RNF32: variants seen among roughly 807,000 people sequenced by gnomAD.
The protein encoded by RNF32 is ring finger protein 32.
A neutral mutation model predicts 41.0 loss-of-function variants in RNF32; 36 were observed. That is an observed-to-expected ratio of 0.88 (90% CI 0.67 to 1.16). The LOEUF (loss-of-function observed/expected upper bound fraction) is 1.16. Ranked by LOEUF, RNF32 falls within the 50% of genes most tolerant of loss-of-function variation. The pLI is 0.00. For synonymous variants in RNF32, 154 were observed against 160.9 expected, an observed-to-expected ratio of 0.96 and a Z score of 0.32; for missense variants, 413 against 436.7, an observed-to-expected ratio of 0.95 and a Z score of 0.48.
At chr7:156,655,266 G>C (rs1799453000) in intron 4 of RNF32, among the ~76,000 whole-genome samples, 1 of 151,446 alleles carries the variant, frequency 6.6e-6, no homozygotes, top group East Asian at 1.9e-4. Context: ...CACACACAGA[G>C]AGAGAGAGAG....
chr7:156,674,604 AGGCCGAG>A (rs1803374764), intron 7 of RNF32, among the ~76,000 whole-genome samples: 2 of 152,146 alleles, frequency 1.3e-5, no homozygotes, highest in Non-Finnish European at 2.9e-5. Flanking sequence ...TGAGCCCGGG[AGGCCGAG>A]GCTGAGTGAG....
intron 3 of RNF32, among the ~76,000 whole-genome samples, chr7:156,652,302 C>T (rs1439392814): frequency 2.0e-5 from 3 of 151,986 alleles, no homozygotes; most frequent in African/African-American, 7.3e-5. Context: ...CTCACAGTGA[C>T]GGGATTCGAT....
intron 7 of RNF32, among the ~76,000 whole-genome samples, chr7:156,675,135 G>A (rs1803537635): frequency 6.6e-6 from 1 of 152,098 alleles, no homozygotes; most frequent in Non-Finnish European, 1.5e-5. Flanking sequence ...AGGCAGCGGC[G>A]ACCCGAAGGG....
chr7:156,645,573 A>C (rs1313236460), intron 3 of RNF32, among the ~76,000 whole-genome samples: 2 of 152,194 alleles, frequency 1.3e-5, no homozygotes, highest in Non-Finnish European at 2.9e-5. Context: ...GTGATCCTGG[A>C]TCAGATCCTA....
chr7:156,674,285 G>A (rs1440566316), intron 7 of RNF32, among the ~76,000 whole-genome samples: 1 of 152,202 alleles, frequency 6.6e-6, no homozygotes, highest in Non-Finnish European at 1.5e-5. Context: ...ACACCCAGAA[G>A]AGACATGAGC....
intron 7 of RNF32, among the ~76,000 whole-genome samples, chr7:156,667,462 T>A (rs538380773): frequency 6.6e-6 from 1 of 152,324 alleles, no homozygotes; most frequent in East Asian, 1.9e-4. Flanking sequence ...AAAGGAAAAA[T>A]TACACTAAGA....
intron 3 of RNF32, among the ~76,000 whole-genome samples, chr7:156,648,116 C>T (rs1250769978): frequency 6.6e-6 from 1 of 151,644 alleles, no homozygotes; most frequent in Non-Finnish European, 1.5e-5. Flanking sequence ...ACTGTTTTTA[C>T]AACCTTTTGT....
chr7:156,659,894 A>AC (rs746112550), intron 7 of RNF32: 74 of 985,258 alleles, frequency 7.5e-5, no homozygotes, highest in Non-Finnish European at 8.7e-5. Context: ...AAAGCAAGTG[A>AC]CCAAGAGCAG....
At chr7:156,676,313 T>C (rs1256800052) in intron 8 of RNF32, 106 bp from the exon 9 acceptor site, 6 of 1,611,152 alleles carry the variant, frequency 3.7e-6, no homozygotes, top group African/African-American at 1.3e-5. Flanking sequence ...TTCCGCATGT[T>C]TCGAAGACCC....
intron 7 of RNF32, among the ~76,000 whole-genome samples, chr7:156,672,757 C>G (rs891194741): frequency 6.6e-6 from 1 of 152,246 alleles, no homozygotes; most frequent in Non-Finnish European, 1.5e-5. Context: ...CACACTTACT[C>G]TGTTCCTCTC....
intron 7 of RNF32, among the ~76,000 whole-genome samples, chr7:156,671,557 C>T (rs1802537321): frequency 6.6e-6 from 1 of 151,968 alleles, no homozygotes; most frequent in African/African-American, 2.4e-5. Flanking sequence ...ATGCAGATGT[C>T]ATCATAGGTC....
At chr7:156,671,218 G>A (rs1209829818) in intron 7 of RNF32, among the ~76,000 whole-genome samples, 1 of 152,222 alleles carries the variant, frequency 6.6e-6, no homozygotes, top group Non-Finnish European at 1.5e-5. Context: ...AGACAGAGCA[G>A]GATGGGTGCA....
rs576501579 is a variant in RNF32, at chr7:156,643,790, C to T, written c.-77-11C>T. On this transcript the variant is annotated splice_polypyrimidine_tract_variant and intron_variant, in intron 1 of 8. Transcript: ENST00000317955. ...TGTAACTTTGACTTTCTGTTGACCA[C>T]GTCTTTGCAGCAGAAGAATAGAAGG... 8 of 1,233,768 alleles carry T rather than the reference C, an allele frequency of 6.5e-6. No homozygotes were observed. The highest frequency in any genetic ancestry group is 1.2e-5 in the South Asian group (1 of 80,740). The allele number at this position is 1,233,768 out of a possible 1,614,324, so 76.4% of individuals were successfully genotyped here.
At chr7:156,652,608 C>T (rs190076754) in intron 3 of RNF32, among the ~76,000 whole-genome samples, 2 of 152,200 alleles carry the variant, frequency 1.3e-5, no homozygotes, top group East Asian at 3.9e-4. Flanking sequence ...AAAATTCCTA[C>T]CACTTCATGA....
intron 3 of RNF32, among the ~76,000 whole-genome samples, chr7:156,651,971 G>A (rs1233688220): frequency 2.0e-5 from 3 of 152,116 alleles, no homozygotes. Flanking sequence ...TCTCTCCTTG[G>A]ATTCTGTCTC....
intron 7 of RNF32, among the ~76,000 whole-genome samples, chr7:156,663,316 AAT>A (rs1390990427): frequency 2.0e-5 from 3 of 152,222 alleles, no homozygotes; most frequent in East Asian, 3.8e-4. Flanking sequence ...ATGAAAACAA[AAT>A]ATATGTGTGT....
chr7:156,658,395 A>T lies in RNF32; in HGVS notation c.576-67A>T, dbSNP rs770158999. 1.8e-5 allele frequency: 27 copies of T among 1,515,688 alleles called. No homozygotes were observed. In the East Asian group the frequency reaches 3.4e-4, roughly 19 times the overall value. The allele number at this position is 1,515,688 out of a possible 1,614,324, so 93.9% of individuals were successfully genotyped here. Reference sequence around the variant, plus strand: ...CCTTGTACAGCACAGGGCTTATAACAACTACTGAAGTATTGGTTGACATAG... The same window carrying T: ...CCTTGTACAGCACAGGGCTTATAACTACTACTGAAGTATTGGTTGACATAG... On this transcript the variant is annotated intron_variant, in intron 6 of 8. Coordinates refer to ENST00000317955, the MANE Select transcript of RNF32 (RefSeq NM_030936.4).
Position 156,669,265 on chromosome 7 carries a change from C to T in RNF32, c.685-6431C>T, listed in dbSNP as rs915292970. 3.9e-5 allele frequency: 6 copies of T among 152,184 alleles called. No homozygotes were observed. Among genetic ancestry groups the T allele is most frequent in the African/African-American group, 1.4e-4 (6 of 41,420 alleles). The allele number at this position is 152,184 out of a possible 1,614,324, so 9.4% of individuals were successfully genotyped here. A position where few individuals can be genotyped will look rare whatever the true frequency, so the allele number is the denominator to read the frequency against. ...CCGCTCGGGTGGTTCGCGCCTGCTGCAGGGCACGCTTCCTGCAGGGAGCTG... is the reference window on the plus strand; with the variant it reads ...CCGCTCGGGTGGTTCGCGCCTGCTGTAGGGCACGCTTCCTGCAGGGAGCTG... On this transcript the variant is annotated intron_variant, in intron 7 of 8. Coordinates refer to ENST00000317955, the MANE Select transcript of RNF32 (RefSeq NM_030936.4). The surrounding 1 kb of genome is among the most constrained non-coding windows in gnomAD (Gnocchi z 4.2).
In RNF32 at chr7:156,675,677, G is replaced by GC. The variant is rs770549601; in HGVS notation, c.685-14dup. On this transcript the variant is annotated intron_variant, in intron 7 of 8. Transcript: ENST00000317955. Reference sequence around the variant, plus strand: ...ACCGAGCTCAGGTGTGAGCTTACCCGCCCCCGCCTCCTCCTCAGTTCACAG... The same window carrying GC: ...ACCGAGCTCAGGTGTGAGCTTACCCGCCCCCCGCCTCCTCCTCAGTTCACAG... 1.4e-5 allele frequency: 20 copies of GC among 1,391,984 alleles called. No homozygotes were observed. The African/African-American group carries it at 1.5e-4, about 11-fold the overall frequency. 86.2% of individuals were successfully genotyped at this position (1,391,984 alleles called of 1,614,324 possible).
Sources: allele counts gnomAD v4.1 joint callset (sites outside exome capture counted in the v4.1 genomes callset), GRCh38; gene constraint gnomAD v4.1.1; non-coding constraint Gnocchi (gnomAD v3.1); transcripts MANE v1.5; gene names NCBI Gene and HGNC (gene_info 2026-07-23, HGNC 2026-07-21).